Variants in RBFOX1 observed in about 807,000 individuals in gnomAD.
The protein encoded by RBFOX1 is RNA binding protein fox-1 homolog 1.
A neutral mutation model predicts 57.7 loss-of-function variants in RBFOX1; 8 were observed. The observed-to-expected ratio is 0.14, with a 90% CI of 0.08 to 0.25. The LOEUF (loss-of-function observed/expected upper bound fraction) is 0.25, where lower values mean the gene tolerates loss of function less well. RBFOX1 is among the 10% of genes least tolerant of loss of function. The pLI, the probability that RBFOX1 is intolerant of heterozygous loss-of-function variation, is 1.00. For synonymous variants in RBFOX1, 326 were observed against 222.4 expected (o/e 1.47, Z -4.15); for missense variants, 611 against 548.5 (o/e 1.11, Z -1.14).
intron 1 of RBFOX1, among the ~76,000 whole-genome samples, chr16:6,099,526 G>C (rs150177750): frequency 6.6e-6 from 1 of 152,074 alleles, no homozygotes; most frequent in African/African-American, 2.4e-5. Context: ...AGGGTCTGAG[G>C]GGATGGGGAA....
intron 4 of RBFOX1, among the ~76,000 whole-genome samples, chr16:7,083,935 C>T (rs2059589600): frequency 6.6e-6 from 1 of 152,088 alleles, no homozygotes; most frequent in South Asian, 2.1e-4. Flanking sequence ...CCTAGAGGTA[C>T]CATGCAGCTG....
At chr16:7,265,693 C>T (rs1185014822) in intron 4 of RBFOX1, among the ~76,000 whole-genome samples, 3 of 152,188 alleles carry the variant, frequency 2.0e-5, no homozygotes, top group African/African-American at 7.2e-5. Context: ...AGGTGATCCG[C>T]CTGCCTTAGC....
chr16:7,378,782 T>G lies in RBFOX1; in HGVS notation c.28-139365T>G, dbSNP rs900835535. 2.6e-5 allele frequency among the ~76,000 whole-genome samples: 4 copies of G among 152,294 alleles called. No homozygotes were observed. In the East Asian group the frequency reaches 7.7e-4, roughly 29 times the overall value. On this transcript the variant is annotated intron_variant, in intron 4 of 15. Coordinates refer to ENST00000550418, the MANE Select transcript of RBFOX1 (RefSeq NM_018723.4). ...TAAGTACTGCAGAACACGGACACTC[T>G]TGGGCACACTGCAAAGTCAGCCTGG...
intron 3 of RBFOX1, among the ~76,000 whole-genome samples, chr16:6,981,866 A>T (rs2088983566): frequency 6.6e-6 from 1 of 152,190 alleles, no homozygotes; most frequent in Non-Finnish European, 1.5e-5. Context: ...CACTGATGAC[A>T]TTTAAGTTGA....
chr16:6,937,162 A>G (rs1567970273), intron 3 of RBFOX1, among the ~76,000 whole-genome samples: 1 of 152,168 alleles, frequency 6.6e-6, no homozygotes, highest in East Asian at 1.9e-4. Flanking sequence ...CAAAAATGAT[A>G]TTTTTTTCCA....
At chr16:6,309,342 G>A (rs748248667) in intron 1 of RBFOX1, among the ~76,000 whole-genome samples, 7 of 152,230 alleles carry the variant, frequency 4.6e-5, no homozygotes, top group Admixed American at 1.3e-4. Context: ...GAATCTGAGC[G>A]TCTAAGGATT....
intron 3 of RBFOX1, among the ~76,000 whole-genome samples, chr16:5,788,238 C>G (rs2054574936): frequency 6.6e-6 from 1 of 152,178 alleles, no homozygotes; most frequent in South Asian, 2.1e-4. Flanking sequence ...GAAGAAATGA[C>G]AGCATATGTC....
chr16:7,104,954 C>T (rs753597236), intron 4 of RBFOX1, among the ~76,000 whole-genome samples: 20 of 149,124 alleles, frequency 1.3e-4, no homozygotes, highest in African/African-American at 4.4e-4. Context: ...TGTGTGTGCA[C>T]GTGCTTCTGT....
intron 1 of RBFOX1, among the ~76,000 whole-genome samples, chr16:5,311,914 G>C (rs1173316202): frequency 6.6e-6 from 1 of 152,124 alleles, no homozygotes; most frequent in Non-Finnish European, 1.5e-5. Flanking sequence ...CTTGCTCCTT[G>C]TTACGGTGCT....
chr16:6,161,598 C>A (rs926509228), intron 1 of RBFOX1, among the ~76,000 whole-genome samples: 6 of 152,110 alleles, frequency 3.9e-5, no homozygotes, highest in Admixed American at 3.9e-4. Context: ...ATGGCATCTG[C>A]TTCCTTCCAT....
intron 2 of RBFOX1, among the ~76,000 whole-genome samples, chr16:6,383,610 T>C (rs2092008501): frequency 6.6e-6 from 1 of 152,046 alleles, no homozygotes; most frequent in Non-Finnish European, 1.5e-5. Flanking sequence ...CCGTGTCTAC[T>C]GAAAATACAA....
At chr16:6,593,078 G>T (rs897647681) in intron 2 of RBFOX1, among the ~76,000 whole-genome samples, 1 of 152,168 alleles carries the variant, frequency 6.6e-6, no homozygotes. Flanking sequence ...TGTACTCCCA[G>T]CTACTTGGGA....
intron 3 of RBFOX1, among the ~76,000 whole-genome samples, chr16:5,854,113 T>C (rs1341694444): frequency 1.3e-5 from 2 of 152,248 alleles, no homozygotes; most frequent in Non-Finnish European, 2.9e-5. Flanking sequence ...TGCACATGTA[T>C]TGGGAAACGC....
chr16:5,788,491 T>C (rs1209291054), intron 3 of RBFOX1, among the ~76,000 whole-genome samples: 1 of 152,056 alleles, frequency 6.6e-6, no homozygotes, highest in Admixed American at 6.6e-5. Flanking sequence ...TAGCTGGGCA[T>C]GGTGGCAGGT....
chr16:6,727,086 A>ACACACAC (rs1568371108), intron 3 of RBFOX1, among the ~76,000 whole-genome samples: 1 of 17,450 alleles, frequency 5.7e-5, no homozygotes, highest in African/African-American at 8.7e-5. Context: ...GAGACACACA[A>ACACACAC]AACACACACA....
intron 2 of RBFOX1, among the ~76,000 whole-genome samples, chr16:6,418,000 T>TGAAC (rs1430540664): frequency 6.6e-6 from 1 of 151,944 alleles, no homozygotes; most frequent in Non-Finnish European, 1.5e-5. Context: ...AATGAATGAA[T>TGAAC]GATCAAGATC....
chr16:6,271,037 A>G (rs1268462247), intron 1 of RBFOX1, among the ~76,000 whole-genome samples: 1 of 152,226 alleles, frequency 6.6e-6, no homozygotes, highest in Non-Finnish European at 1.5e-5. Context: ...GACACAGCTA[A>G]AGTAATACTG....
intron 4 of RBFOX1, among the ~76,000 whole-genome samples, chr16:7,120,830 TACAC>T (rs397836603): frequency 1.0e-3 from 88 of 86,578 alleles, no homozygotes; most frequent in South Asian, 2.3e-3. Flanking sequence ...TATGTATATA[TACAC>T]ACACACACAC....
chr16:6,079,106 C>G (rs1472327472), intron 1 of RBFOX1, among the ~76,000 whole-genome samples: 2 of 151,994 alleles, frequency 1.3e-5, no homozygotes, highest in Non-Finnish European at 2.9e-5. Flanking sequence ...GTCAGGAGTT[C>G]AAGACTAACC....
Sources: allele counts gnomAD v4.1 joint callset (sites outside exome capture counted in the v4.1 genomes callset), GRCh38; gene constraint gnomAD v4.1.1; transcripts MANE v1.5; gene names NCBI Gene and HGNC (gene_info 2026-07-23, HGNC 2026-07-21).